The following ECSIT variants were observed in gnomAD, a reference collection of about 807,000 sequenced individuals.
The protein encoded by ECSIT is ECSIT signaling integrator.
ECSIT carries 29 observed loss-of-function variants against 36.8 expected under a neutral mutation model. That is an observed-to-expected ratio of 0.79 (90% confidence interval 0.59 to 1.08). The LOEUF (loss-of-function observed/expected upper bound fraction) is 1.08. ECSIT is among the 50% of genes least tolerant of loss of function. ECSIT has a pLI of 0.00. For missense variants in ECSIT, 542 were observed against 581.0 expected, an observed-to-expected ratio of 0.93 and a Z score of 0.69; for synonymous variants, 231 against 234.8, an observed-to-expected ratio of 0.98 and a Z score of 0.15.
rs199995673 is a variant in ECSIT at position 11,510,914 on chromosome 19, G to A, written c.738+2142C>T. 3.3e-4 allele frequency among the ~76,000 whole-genome samples: 50 copies of A among 151,856 alleles called. No homozygotes were observed. The East Asian group carries it at 3.5e-3, about 11-fold the overall frequency. ...TCTTCCAGAAACATGATTCCAACCC[G>A]ATTCCTTCTTCTTAAATCTCTGCCC... On this transcript the variant is annotated intron_variant, in intron 4 of 7. Coordinates refer to ENST00000270517, the MANE Select transcript of ECSIT (RefSeq NM_016581.5).
chr19:11,521,203 T>C (rs1477040250), intron 1 of ECSIT, among the ~76,000 whole-genome samples: 1 of 152,206 alleles, frequency 6.6e-6, no homozygotes, highest in Non-Finnish European at 1.5e-5. Flanking sequence ...TTGCCAAATG[T>C]TTTTGACTGT....
intron 4 of ECSIT, among the ~76,000 whole-genome samples, chr19:11,511,399 G>T (rs770726524): frequency 7.9e-5 from 12 of 152,148 alleles, no homozygotes; most frequent in Non-Finnish European, 1.3e-4. Context: ...TGAAGGGGTG[G>T]TGCCTTGGCC....
Position 11,507,476 on chromosome 19 carries a change from G to T in ECSIT, c.1032C>A (p.Tyr344Ter). 6.2e-7 allele frequency: 1 copy of T among 1,613,870 alleles called. No individual in the cohort carries two copies. Among genetic ancestry groups the T allele is most frequent in the Non-Finnish European group, 8.5e-7 (1 of 1,179,954 alleles). ...LEYVRSGWDN[Y>*]EFDINEVEEG... ...TTTTACCTTCATTGATGTCAAACTC[G>T]TAGTTGTCCCAGCCACTCCTCACAT... The change falls in exon 7 of 8, where the codon TAC (tyrosine) becomes TAA (stop). Residue 344 changes from tyrosine (Y) to a stop codon, truncating the protein, a stop_gained. Coordinates refer to ENST00000270517, the MANE Select transcript of ECSIT (RefSeq NM_016581.5). LOFTEE classifies it low-confidence loss of function (END_TRUNC).
At chr19:11,506,529 CTTTT>C (rs71166605) in intron 7 of ECSIT, 101 bp from the exon 8 acceptor site, 6,207 of 672,408 alleles carry the variant, frequency 9.2e-3, no homozygotes, top group South Asian at 0.012. Context: ...CTTCCACTTC[CTTTT>C]TTTTTTTTTT....
intron 4 of ECSIT, among the ~76,000 whole-genome samples, chr19:11,510,229 GCAGTGGTATGATCACGGCTCACTA>G (rs1309410497): frequency 6.6e-6 from 1 of 151,892 alleles, no homozygotes; most frequent in Non-Finnish European, 1.5e-5. Flanking sequence ...AGTCTGGTGT[GCAGTGGTATGATCACGGCTCACTA>G]CAGACTTGAC....
intron 1 of ECSIT, chr19:11,523,626 G>C (rs897769235): frequency 2.3e-6 from 2 of 873,348 alleles, no homozygotes; most frequent in African/African-American, 3.3e-5. Flanking sequence ...ATGTCAAGCT[G>C]GTGGAGTCCC....
intron 2 of ECSIT, among the ~76,000 whole-genome samples, chr19:11,514,989 C>T (rs1971960773): frequency 6.6e-6 from 1 of 151,918 alleles, no homozygotes; most frequent in African/African-American, 2.4e-5. Context: ...CAGACGTGCT[C>T]CACCACGCCC....
At chr19:11,522,998 G>A (rs1157358208) in intron 1 of ECSIT, among the ~76,000 whole-genome samples, 4 of 151,900 alleles carry the variant, frequency 2.6e-5, no homozygotes, top group Non-Finnish European at 5.9e-5. Context: ...GTGAACCCGG[G>A]AGGCGGAGCT....
chr19:11,517,316 T>A (rs1972017599), intron 2 of ECSIT, among the ~76,000 whole-genome samples: 1 of 151,894 alleles, frequency 6.6e-6, no homozygotes, highest in Admixed American at 6.6e-5. Flanking sequence ...CAGTAAAATT[T>A]CAGGTTGGGC....
intron 4 of ECSIT, among the ~76,000 whole-genome samples, chr19:11,508,988 T>C (rs920336974): frequency 6.6e-6 from 1 of 152,202 alleles, no homozygotes; most frequent in African/African-American, 2.4e-5. Context: ...CTTTCACCTC[T>C]GTGGAGGACA....
intron 2 of ECSIT, 78 bp from the exon 3 acceptor site, chr19:11,514,299 G>C: frequency 7.1e-7 from 1 of 1,403,568 alleles, no homozygotes; most frequent in South Asian, 1.4e-5. Context: ...TCTTTCCTCA[G>C]AGAGGTCCCA....
chr19:11,526,813 A>C (rs1972225061), intron 1 of ECSIT, among the ~76,000 whole-genome samples: 2 of 142,846 alleles, frequency 1.4e-5, no homozygotes, highest in Admixed American at 1.5e-4. Context: ...CCGCCTCCCC[A>C]GTTCAAGTTG....
At chr19:11,521,594 C>A (rs1972105137) in intron 1 of ECSIT, among the ~76,000 whole-genome samples, 1 of 151,154 alleles carries the variant, frequency 6.6e-6, no homozygotes, top group Non-Finnish European at 1.5e-5. Context: ...TGGGAGAGAC[C>A]CTATCTCTAC....
Position 11,513,985 on chromosome 19 carries a change from G to A in ECSIT, c.333C>T (p.Tyr111=). ...ACTCCCGCATCTTGCGCAGGGCCAG[G>A]TAGATGAAGTCAATGTGGCCCCGCT... ...VRKRGHIDFI[Y]LALRKMREYG... is the part of the protein sequence containing the mutation. Residue 111 remains tyrosine (Y), a synonymous_variant, in exon 3 of 8, where the codon TAC becomes TAT. Coordinates refer to ENST00000270517, the MANE Select transcript of ECSIT (RefSeq NM_016581.5). 6.2e-7 allele frequency: 1 copy of A among 1,614,230 alleles called. No individual in the cohort carries two copies. Among genetic ancestry groups the A allele is most frequent in the Non-Finnish European group, 8.5e-7 (1 of 1,180,054 alleles).
At chr19:11,514,301 G>A (rs1971942729) in intron 2 of ECSIT, 80 bp from the exon 3 acceptor site, 1 of 1,389,484 alleles carries the variant, frequency 7.2e-7, no homozygotes, top group South Asian at 1.5e-5. Flanking sequence ...TTTCCTCAGA[G>A]AGGTCCCAGT....
At position 11,515,583 on chromosome 19, in the gene ECSIT, A is replaced by C. The variant is rs554414546; in HGVS notation, c.97-1362T>G. On this transcript the variant is annotated intron_variant, in intron 2 of 7. Coordinates refer to ENST00000270517, the MANE Select transcript of ECSIT (RefSeq NM_016581.5). ...GCGATTCTCCTGCCTCAGCCTCCCA[A>C]GTAGCTAGGATTACAGGCGCCTGCC... 1.8e-4 allele frequency among the ~76,000 whole-genome samples: 28 copies of C among 152,020 alleles called. No individual in the cohort carries two copies. The South Asian group carries it at 3.7e-3, about 20-fold the overall frequency.
chr19:11,511,120 C>A (rs192314754), intron 4 of ECSIT, among the ~76,000 whole-genome samples: 18 of 152,124 alleles, frequency 1.2e-4, no homozygotes, highest in Non-Finnish European at 2.5e-4. Flanking sequence ...CACAGCACCC[C>A]GGGCTTCTCC....
chr19:11,522,893 A>T (rs1054432266), intron 1 of ECSIT, among the ~76,000 whole-genome samples: 1 of 151,562 alleles, frequency 6.6e-6, no homozygotes, highest in Non-Finnish European at 1.5e-5. Flanking sequence ...ACACGGTGAA[A>T]CCCCATCTCT....
At chr19:11,512,136 C>T (rs185742772) in intron 4 of ECSIT, among the ~76,000 whole-genome samples, 119 of 150,340 alleles carry the variant, frequency 7.9e-4, no homozygotes, top group African/African-American at 2.6e-3. Flanking sequence ...CTTGAGCTCA[C>T]GAGTTTGAGA....
Sources: gnomAD v4.1 joint callset for allele counts (sites outside exome capture counted in the v4.1 genomes callset) on GRCh38, gnomAD v4.1.1 for gene constraint, MANE v1.5 for transcripts, NCBI Gene and HGNC (gene_info 2026-07-23, HGNC 2026-07-21) for gene names.